RTTN: variants seen among roughly 807,000 people sequenced by gnomAD.
The protein encoded by RTTN is rotatin.
Under a neutral mutation model 269.2 loss-of-function variants are expected in RTTN, and 182 were observed. The ratio of observed to expected loss-of-function variants is 0.68; its 90% CI spans 0.60 to 0.76. RTTN has a LOEUF of 0.76. Ranked by LOEUF, RTTN falls within the 30% of genes least tolerant of loss-of-function variation. RTTN has a pLI of 0.00. For synonymous variants in RTTN, 1,006 were observed against 963.5 expected, an observed-to-expected ratio of 1.04 and a Z score of -0.82; for missense variants, 2,545 against 2,608.6, an observed-to-expected ratio of 0.98 and a Z score of 0.53.
At chr18:70,033,283 G>A (rs1248006579) in intron 40 of RTTN, among the ~76,000 whole-genome samples, 1 of 152,174 alleles carries the variant, frequency 6.6e-6, no homozygotes, top group Non-Finnish European at 1.5e-5. Context: ...GTGGAACCAT[G>A]AGCCAATTAA....
chr18:70,150,554 T>C, intron 15 of RTTN, 54 bp downstream of exon 15: 1 of 1,553,762 alleles, frequency 6.4e-7, no homozygotes, highest in African/African-American at 1.4e-5. Context: ...ATCACCTTGA[T>C]TTAGCTGAGT....
intron 40 of RTTN, among the ~76,000 whole-genome samples, chr18:70,031,940 A>G (rs1005449472): frequency 5.9e-5 from 9 of 152,136 alleles, no homozygotes; most frequent in Non-Finnish European, 1.3e-4. Context: ...GCAAGGAACA[A>G]AATTCGCTCT....
intron 11 of RTTN, among the ~76,000 whole-genome samples, chr18:70,175,759 G>A (rs1014848882): frequency 6.6e-6 from 1 of 151,974 alleles, no homozygotes; most frequent in Admixed American, 6.6e-5. Flanking sequence ...AGAAACTAAA[G>A]CACTGCTAAC....
At chr18:70,177,931 G>T (rs1461701904) in intron 10 of RTTN, among the ~76,000 whole-genome samples, 1 of 152,092 alleles carries the variant, frequency 6.6e-6, no homozygotes, top group African/African-American at 2.4e-5. Flanking sequence ...CCACTTCTGG[G>T]AATATACCCA....
intron 14 of RTTN, among the ~76,000 whole-genome samples, chr18:70,163,858 T>C (rs923849687): frequency 1.3e-5 from 2 of 152,206 alleles, no homozygotes; most frequent in Non-Finnish European, 2.9e-5. Flanking sequence ...TGTTCATATA[T>C]ACAGACAATA....
intron 32 of RTTN, among the ~76,000 whole-genome samples, chr18:70,085,425 C>T (rs990734099): frequency 3.9e-5 from 6 of 152,100 alleles, no homozygotes; most frequent in Non-Finnish European, 5.9e-5. Flanking sequence ...ATTCATGCTT[C>T]GGGTCATGTG....
At chr18:70,167,703 CA>C (rs34745283) in intron 12 of RTTN, among the ~76,000 whole-genome samples, 3,361 of 88,634 alleles carry the variant, frequency 0.038, 95 homozygotes, top group African/African-American at 0.11. Context: ...GATTTCGTCT[CA>C]AAAAAAAAAA....
In RTTN at chr18:70,149,109, T is replaced by C. The variant is rs1168305632; in HGVS notation, c.2173-72A>G. 3 of 1,372,846 alleles carry C rather than the reference T, an allele frequency of 2.2e-6. No individual in the cohort carries two copies. The African/African-American group carries it at 4.4e-5, about 20-fold the overall frequency. The allele number at this position is 1,372,846 out of a possible 1,614,324, so 85.0% of individuals were successfully genotyped here. On this transcript the variant is annotated intron_variant, in intron 16 of 48. Coordinates refer to ENST00000640769, the MANE Select transcript of RTTN (RefSeq NM_173630.4). ...TAACTTTTCAACTTGAAAATAAGAA[T>C]TGTATTGTCCTATCAGCAACTCATA... is the stretch of plus-strand genomic sequence containing the variant.
intron 10 of RTTN, among the ~76,000 whole-genome samples, chr18:70,187,670 T>C (rs1208625983): frequency 6.6e-6 from 1 of 152,214 alleles, no homozygotes; most frequent in South Asian, 2.1e-4. Flanking sequence ...AATGTTAATA[T>C]TGCTGTTCTG....
At chr18:70,198,543 C>A (rs1160972680) in intron 5 of RTTN, among the ~76,000 whole-genome samples, 1 of 152,138 alleles carries the variant, frequency 6.6e-6, no homozygotes, top group Non-Finnish European at 1.5e-5. Flanking sequence ...CAGATTTATA[C>A]CCCAAAAAAG....
At chr18:70,127,324 C>T (rs1035444153) in intron 25 of RTTN, among the ~76,000 whole-genome samples, 178 bp downstream of exon 25, 2 of 152,104 alleles carry the variant, frequency 1.3e-5, no homozygotes, top group African/African-American at 4.8e-5. Flanking sequence ...TTCAACAATG[C>T]AATAACTAAA....
In RTTN at chr18:70,204,117, T is replaced by C. The variant is rs1420612616; in HGVS notation, c.366A>G (p.Leu122=). The change falls in exon 3 of 49, where the codon CTA becomes CTG. Residue 122 remains leucine (L), a synonymous_variant. Transcript: ENST00000640769. ...GATTGGTTTGGTATGAGGCAGAAGA[T>C]AGTGCAGGAACTTCCGAAGGAAGAA... ...LFLLPSEVPA[L]SSASYQTNQT... 4 of 1,613,520 alleles carry C rather than the reference T, an allele frequency of 2.5e-6. No homozygotes were observed. Among genetic ancestry groups the C allele is most frequent in the African/African-American group, 1.3e-5 (1 of 74,884 alleles).
At chr18:70,045,600 G>C (rs1379100190) in intron 40 of RTTN, among the ~76,000 whole-genome samples, 1 of 152,120 alleles carries the variant, frequency 6.6e-6, no homozygotes, top group African/African-American at 2.4e-5. Context: ...ATTTCTATAA[G>C]GCAAAGAAAA....
chr18:70,078,496 A>G lies in RTTN; in HGVS notation c.4375-2955T>C, dbSNP rs562492503. On this transcript the variant is annotated intron_variant, in intron 32 of 48. Coordinates refer to ENST00000640769, the MANE Select transcript of RTTN (RefSeq NM_173630.4). Reference sequence around the variant, plus strand: ...ACATGAGACATGATATGGACCCACAATGTAAGAAAAAACAAACAGGAACCT... The same window carrying G: ...ACATGAGACATGATATGGACCCACAGTGTAAGAAAAAACAAACAGGAACCT... Among the ~76,000 whole-genome samples the G allele has an allele frequency of 5.3e-5, 8 of 152,110 alleles. No homozygotes were observed. The South Asian group carries it at 8.3e-4, about 16-fold the overall frequency.
intron 14 of RTTN, among the ~76,000 whole-genome samples, chr18:70,157,632 TG>T (rs1838757770): frequency 6.6e-6 from 1 of 152,098 alleles, no homozygotes; most frequent in Admixed American, 6.5e-5. Context: ...ATGGCTAAAA[TG>T]ACAGAATTCA....
At chr18:70,117,735 G>C (rs115938020) in intron 26 of RTTN, among the ~76,000 whole-genome samples, 81 of 151,950 alleles carry the variant, frequency 5.3e-4, no homozygotes, top group African/African-American at 1.8e-3. Context: ...TACATGTATG[G>C]TGTTACAAGT....
chr18:70,140,196 T>A lies in RTTN; in HGVS notation c.2582-8A>T, dbSNP rs778423422. ...CAGCATGCATTTTAATATCTGTAGA[T>A]AAAAAAAGTTACTAAAAGTTAAAGC... On this transcript the variant is annotated splice_region_variant and splice_polypyrimidine_tract_variant and intron_variant, in intron 19 of 48. Coordinates refer to ENST00000640769, the MANE Select transcript of RTTN (RefSeq NM_173630.4). 1.3e-6 allele frequency: 2 copies of A among 1,497,978 alleles called. No homozygotes were observed. The highest frequency in any genetic ancestry group is 4.5e-5 in the East Asian group (2 of 43,996). 92.8% of individuals were successfully genotyped at this position (1,497,978 alleles called of 1,614,324 possible).
At chr18:70,138,615 A>G (rs2060181241) in intron 21 of RTTN, 1 of 152,184 alleles carries the variant, frequency 6.6e-6, no homozygotes, top group Non-Finnish European at 1.5e-5. Context: ...GCTCTTTCAG[A>G]TGATCAGTCT....
chr18:70,184,095 G>A (rs1165678523), intron 10 of RTTN, among the ~76,000 whole-genome samples: 1 of 152,024 alleles, frequency 6.6e-6, no homozygotes, highest in Non-Finnish European at 1.5e-5. Flanking sequence ...CACTCAACAT[G>A]GTAACATTGA....
Sources: allele counts gnomAD v4.1 joint callset (sites outside exome capture counted in the v4.1 genomes callset), GRCh38; gene constraint gnomAD v4.1.1; transcripts MANE v1.5; gene names NCBI Gene and HGNC (gene_info 2026-07-23, HGNC 2026-07-21).